TYW1: variants seen among roughly 807,000 people sequenced by gnomAD.
The protein encoded by TYW1 is S-adenosyl-L-methionine-dependent tRNA 4-demethylwyosine synthase TYW1.
TYW1 carries 46 observed loss-of-function variants against 96.2 expected under a neutral mutation model. That is an observed-to-expected ratio of 0.48 (90% CI 0.38 to 0.61). The LOEUF is 0.61. TYW1 is among the 20% of genes least tolerant of loss of function. The probability of loss-of-function intolerance (pLI) is 0.00; values close to 1 mark genes in which losing one functional copy is unlikely to be tolerated. For synonymous variants in TYW1, 274 were observed against 323.0 expected (o/e 0.85, Z 1.63); for missense variants, 684 against 909.6 (o/e 0.75, Z 3.19).
At chr7:67,197,994 G>A (rs1359401860) in intron 15 of TYW1, among the ~76,000 whole-genome samples, 1 of 123,752 alleles carries the variant, frequency 8.1e-6, no homozygotes, top group Non-Finnish European at 1.6e-5. Flanking sequence ...TGCACGCATC[G>A]TCTTTTCTGA....
intron 11 of TYW1, among the ~76,000 whole-genome samples, chr7:67,091,964 C>T (rs1318072500): frequency 6.6e-6 from 1 of 152,138 alleles, no homozygotes; most frequent in Non-Finnish European, 1.5e-5. Context: ...TCCTCCTGTC[C>T]TCGTGGCTGC....
At chr7:67,154,048 G>A (rs1426959010) in intron 13 of TYW1, among the ~76,000 whole-genome samples, 1 of 150,150 alleles carries the variant, frequency 6.7e-6, no homozygotes, top group African/African-American at 2.4e-5. Context: ...AGCCTCCCAA[G>A]TAGCTGGGAC....
At chr7:67,050,129 G>A in intron 8 of TYW1, 63 bp downstream of exon 8, 1 of 1,566,444 alleles carries the variant, frequency 6.4e-7, no homozygotes, top group Non-Finnish European at 8.7e-7. Flanking sequence ...TTTGATACCT[G>A]GAATGAAGTC....
At position 67,026,696 on chromosome 7, in the gene TYW1, AT is replaced by A. The variant is rs961673660; in HGVS notation, c.984+1687del. The stretch of plus-strand genomic sequence containing the variant: ...CCACCACACCCAGCCAGGTCTGCCT[AT>A]TTTTTTTTTTTTGAGACGGAGTCTT... On this transcript the variant is annotated intron_variant, in intron 7 of 15. Transcript: ENST00000359626. Among the ~76,000 whole-genome samples, 531 of 144,830 alleles carry A rather than the reference AT, an allele frequency of 3.7e-3. 3 individuals carry two copies. Among genetic ancestry groups the A allele is most frequent in the African/African-American group, 9.8e-3 (392 of 39,828 alleles).
At chr7:67,098,448 G>T in intron 11 of TYW1, 93 bp from the exon 12 acceptor site, 1 of 1,306,272 alleles carries the variant, frequency 7.7e-7, no homozygotes, top group Non-Finnish European at 1.0e-6. Context: ...AAATGAATTT[G>T]CTCTATAAAA....
rs376806090 is a variant in TYW1, at chr7:67,009,588, C to T, written c.279C>T (p.Phe93=). Residue 93 remains phenylalanine (F), a synonymous_variant, in exon 4 of 16, where the codon TTC becomes TTT. Coordinates refer to ENST00000359626, the MANE Select transcript of TYW1 (RefSeq NM_018264.4). ...YGSQTGTAKG[F]ATVLAEAVTS... ...GTTTTTTTTGGTCCTATTAGGGATT[C>T]GCAACAGTTCTTGCTGAAGCAGTTA... 4.4e-5 allele frequency: 71 copies of T among 1,608,242 alleles called. No homozygotes were observed. Among genetic ancestry groups the T allele is most frequent in the East Asian group, 2.9e-4 (13 of 44,646 alleles).
At chr7:67,159,214 A>G (rs1455628755) in intron 13 of TYW1, among the ~76,000 whole-genome samples, 2 of 152,156 alleles carry the variant, frequency 1.3e-5, no homozygotes, top group South Asian at 2.1e-4. Context: ...TGGGTTTGTC[A>G]TGATTTTCTT....
At chr7:66,997,303 T>A (rs1462818228) in intron 1 of TYW1, among the ~76,000 whole-genome samples, 1 of 138,672 alleles carries the variant, frequency 7.2e-6, no homozygotes, top group Non-Finnish European at 1.5e-5. Context: ...TGAAGCCAGG[T>A]CCCTGCATAT....
intron 15 of TYW1, among the ~76,000 whole-genome samples, chr7:67,211,421 C>T (rs921695844): frequency 5.3e-5 from 8 of 152,126 alleles, no homozygotes; most frequent in Non-Finnish European, 1.0e-4. Flanking sequence ...AGGACATAAC[C>T]CCATTGTAAG....
chr7:67,147,709 G>A (rs1383382457), intron 13 of TYW1, among the ~76,000 whole-genome samples: 1 of 152,034 alleles, frequency 6.6e-6, no homozygotes, highest in Non-Finnish European at 1.5e-5. Flanking sequence ...AGTTTACTGA[G>A]GATAATGGCC....
rs1395959760 is a variant in TYW1 at position 67,183,346 on chromosome 7, T to G, written c.1809+110T>G. ...TAAAACTCTAGAGGTCCCAGGAATT[T>G]TATTGATGTATTCATTTCGTGATCG... On this transcript the variant is annotated intron_variant, in intron 14 of 15. Transcript: ENST00000359626. The G allele has an allele frequency of 9.0e-6, 8 of 884,040 alleles. No homozygotes were observed. The East Asian group carries it at 1.9e-4, about 20-fold the overall frequency. 54.8% of individuals were successfully genotyped at this position (884,040 alleles called of 1,614,324 possible). A position where few individuals can be genotyped will look rare whatever the true frequency, so the allele number is the denominator to read the frequency against.
intron 14 of TYW1, among the ~76,000 whole-genome samples, chr7:67,186,586 C>G (rs1243656219): frequency 1.3e-5 from 2 of 151,944 alleles, no homozygotes; most frequent in Non-Finnish European, 2.9e-5. Flanking sequence ...CTCCTGGGCT[C>G]AAGTGATCCT....
intron 13 of TYW1, among the ~76,000 whole-genome samples, chr7:67,118,391 C>G (rs529658595): frequency 5.9e-5 from 9 of 152,126 alleles, no homozygotes; most frequent in Non-Finnish European, 1.0e-4. Flanking sequence ...CTACACTTAT[C>G]TTCCTGTATA....
chr7:66,996,894 G>T lies in TYW1; in HGVS notation c.-85G>T. 1 of 1,605,576 alleles carries T rather than the reference G, an allele frequency of 6.2e-7. No homozygotes were observed. Among genetic ancestry groups the T allele is most frequent in the East Asian group, 2.2e-5 (1 of 44,614 alleles). On this transcript the variant is annotated 5_prime_UTR_variant, in exon 1 of 16. Transcript: ENST00000359626. ...CTCGGTACGCCGCTAACGCGGCGAGGTAGCTCGGTGCGTCTCGCGGTACCA... is the reference window on the plus strand; with the variant it reads ...CTCGGTACGCCGCTAACGCGGCGAGTTAGCTCGGTGCGTCTCGCGGTACCA...
chr7:67,114,359 C>A (rs986238301), intron 12 of TYW1: 1 of 153,542 alleles, frequency 6.5e-6, no homozygotes, highest in Non-Finnish European at 1.5e-5. Context: ...ACCTTCTGAG[C>A]CTTGGAAGGT....
At chr7:67,056,573 A>G (rs555421218) in intron 9 of TYW1, among the ~76,000 whole-genome samples, 1 of 152,022 alleles carries the variant, frequency 6.6e-6, no homozygotes, top group Non-Finnish European at 1.5e-5. Context: ...TAAACTCAAC[A>G]TATTTTTGAG....
Position 67,225,551 on chromosome 7 carries a change from A to C in TYW1, c.1978-12757A>C, listed in dbSNP as rs556146437. On this transcript the variant is annotated intron_variant, in intron 15 of 15. Transcript: ENST00000359626. The stretch of plus-strand genomic sequence containing the variant: ...CCACCCCCACACCCTCCCATCTTGG[A>C]ATAAGAAGGGACTTGTGTATCTCCA... Among the ~76,000 whole-genome samples the C allele has an allele frequency of 6.6e-5, 10 of 152,262 alleles. No individual in the cohort carries two copies. The South Asian group carries it at 1.9e-3, about 28-fold the overall frequency.
chr7:67,209,937 T>C (rs963059209), intron 15 of TYW1, among the ~76,000 whole-genome samples: 1 of 152,192 alleles, frequency 6.6e-6, no homozygotes, highest in Non-Finnish European at 1.5e-5. Context: ...AAATTGAGAC[T>C]GTATTATGGA....
chr7:67,208,765 C>A (rs1184879360), intron 15 of TYW1, among the ~76,000 whole-genome samples: 1 of 151,554 alleles, frequency 6.6e-6, no homozygotes, highest in African/African-American at 2.4e-5. Context: ...TTTACATGAC[C>A]TTTAAAGATC....
Sources: allele counts gnomAD v4.1 joint callset (sites outside exome capture counted in the v4.1 genomes callset), GRCh38; gene constraint gnomAD v4.1.1; transcripts MANE v1.5; gene names NCBI Gene and HGNC (gene_info 2026-07-23, HGNC 2026-07-21).